Variants in SCRG1 observed in about 807,000 individuals in gnomAD.
SCRG1 encodes scrapie-responsive protein 1.
SCRG1 carries 3 observed loss-of-function variants against 7.7 expected under a neutral mutation model. The ratio of observed to expected loss-of-function variants is 0.39; its 90% CI spans 0.18 to 1.01. The LOEUF (loss-of-function observed/expected upper bound fraction) is 1.01, where lower values mean the gene tolerates loss of function less well. SCRG1 is among the 50% of genes least tolerant of loss of function. SCRG1 has a pLI of 0.36. For missense variants in SCRG1, 110 were observed against 117.2 expected (o/e 0.94, Z 0.28); for synonymous variants, 46 against 41.2 (o/e 1.12, Z -0.44).
chr4:173,455,142 A>G, the SCRG1 span, among the ~76,000 whole-genome samples: 4 of 152,156 alleles, frequency 2.6e-5, no homozygotes, highest in Non-Finnish European at 5.9e-5. Context: ...CAGCGATTCT[A>G]CGGTGAGGCC....
chr4:173,394,426 C>T (rs1422087111), intron 1 of SCRG1, among the ~76,000 whole-genome samples: 13 of 152,030 alleles, frequency 8.6e-5, no homozygotes, highest in Admixed American at 2.0e-4. Flanking sequence ...AGGCAGATCA[C>T]GAGGTCAGGA....
At chr4:173,462,146 C>A in the SCRG1 span, among the ~76,000 whole-genome samples, 1 of 152,060 alleles carries the variant, frequency 6.6e-6, no homozygotes, top group Non-Finnish European at 1.5e-5. Context: ...TTTATTCAAA[C>A]GGATAATAGA....
At chr4:173,406,953 A>G (rs1392383009), upstream of SCRG1, among the ~76,000 whole-genome samples, 2 of 152,188 alleles carry the variant, frequency 1.3e-5, no homozygotes, top group Non-Finnish European at 2.9e-5. Flanking sequence ...CACGCCTGTA[A>G]TCTCAGCACT....
At chr4:173,394,907 C>T (rs1739557329) in intron 1 of SCRG1, among the ~76,000 whole-genome samples, 1 of 152,182 alleles carries the variant, frequency 6.6e-6, no homozygotes, top group Non-Finnish European at 1.5e-5. Flanking sequence ...TTTGTATATA[C>T]ACTTATCTTT....
the SCRG1 span, among the ~76,000 whole-genome samples, chr4:173,414,851 G>A: frequency 1.3e-5 from 2 of 152,172 alleles, no homozygotes; most frequent in African/African-American, 4.8e-5. Flanking sequence ...CCTCCCTAGG[G>A]TGTGAATAGT....
At chr4:173,498,352 C>G in the SCRG1 span, among the ~76,000 whole-genome samples, 1 of 152,160 alleles carries the variant, frequency 6.6e-6, no homozygotes. Flanking sequence ...AATGAGAAAG[C>G]CAGGTAAGGA....
intron 2 of SCRG1, among the ~76,000 whole-genome samples, chr4:173,390,060 T>C (rs978639912): frequency 3.3e-5 from 5 of 152,216 alleles, no homozygotes; most frequent in Admixed American, 2.6e-4. Context: ...GTTTGTTTTT[T>C]TGAGATTAAG....
intron 1 of SCRG1, among the ~76,000 whole-genome samples, chr4:173,392,807 A>G (rs1383309795): frequency 6.6e-6 from 1 of 152,152 alleles, no homozygotes; most frequent in Non-Finnish European, 1.5e-5. Flanking sequence ...ATATTGTGGA[A>G]TAGCCAGACG....
At chr4:173,401,297 C>A (rs1560834231), upstream of SCRG1, among the ~76,000 whole-genome samples, 1 of 152,238 alleles carries the variant, frequency 6.6e-6, no homozygotes, top group East Asian at 1.9e-4. Context: ...AAAGATGATG[C>A]CATACACAGA....
the SCRG1 span, among the ~76,000 whole-genome samples, chr4:173,476,515 A>G: frequency 4.0e-5 from 6 of 151,876 alleles, no homozygotes; most frequent in Non-Finnish European, 7.4e-5. Context: ...AGCCCACCCA[A>G]TGCCTTGGTT....
chr4:173,476,363 A>AAAAAAAAAATATATAT, the SCRG1 span, among the ~76,000 whole-genome samples: 3 of 98,476 alleles, frequency 3.0e-5, no homozygotes, highest in Non-Finnish European at 6.9e-5. Flanking sequence ...GGAAAAAAAA[A>AAAAAAAAAATATATAT]ATATATATAT....
the SCRG1 span, among the ~76,000 whole-genome samples, chr4:173,456,421 G>A: frequency 6.6e-6 from 1 of 152,152 alleles, no homozygotes; most frequent in African/African-American, 2.4e-5. Context: ...TTTGGTATTA[G>A]AAAATCATAC....
chr4:173,435,116 CTATGTGTGTGTGTG>C, the SCRG1 span, among the ~76,000 whole-genome samples: 1 of 40,528 alleles, frequency 2.5e-5, no homozygotes, highest in Admixed American at 3.9e-4. Flanking sequence ...GCATATATAT[CTATGTGTGTGTGTG>C]TGTGTGTGTG....
the SCRG1 span, among the ~76,000 whole-genome samples, chr4:173,506,850 C>T: frequency 2.6e-4 from 40 of 152,198 alleles, no homozygotes; most frequent in Admixed American, 3.3e-4. The surrounding 1 kb of genome is among the most constrained non-coding windows in gnomAD (Gnocchi z 5.3). Flanking sequence ...AGAGTCCGAC[C>T]TCCATCGGTC....
the SCRG1 span, among the ~76,000 whole-genome samples, chr4:173,450,445 TA>T: frequency 6.6e-6 from 1 of 152,130 alleles, no homozygotes. Context: ...GCAAATATCT[TA>T]GAGAGCCTTT....
the SCRG1 span, among the ~76,000 whole-genome samples, chr4:173,517,480 A>ATT: frequency 5.4e-5 from 8 of 149,016 alleles, no homozygotes; most frequent in Non-Finnish European, 9.0e-5. Flanking sequence ...AGTAACTGCT[A>ATT]TTTTTTTTTT....
the SCRG1 span, among the ~76,000 whole-genome samples, chr4:173,411,953 T>C: frequency 6.6e-6 from 1 of 152,186 alleles, no homozygotes; most frequent in African/African-American, 2.4e-5. Context: ...GCTAGCGTTT[T>C]TCACCTCATC....
the SCRG1 span, among the ~76,000 whole-genome samples, chr4:173,495,751 T>C: frequency 1.3e-5 from 2 of 152,238 alleles, no homozygotes; most frequent in East Asian, 3.8e-4. Flanking sequence ...CATCCTCATA[T>C]CCAGCAAACA....
chr4:173,443,630 C>T, the SCRG1 span, among the ~76,000 whole-genome samples: 1 of 152,034 alleles, frequency 6.6e-6, no homozygotes, highest in Non-Finnish European at 1.5e-5. Context: ...AGGGGTCTTG[C>T]TATGTTGTCC....
Sources: allele counts gnomAD v4.1 joint callset (sites outside exome capture counted in the v4.1 genomes callset), GRCh38; gene constraint gnomAD v4.1.1; non-coding constraint Gnocchi (gnomAD v3.1); transcripts MANE v1.5; gene names NCBI Gene and HGNC (gene_info 2026-07-23, HGNC 2026-07-21).